Variants in SLC44A1 observed in about 807,000 individuals in gnomAD.
SLC44A1 encodes the protein choline transporter-like protein 1.
A neutral mutation model predicts 79.3 loss-of-function variants in SLC44A1; 26 were observed. The ratio of observed to expected loss-of-function variants is 0.33; its 90% CI spans 0.24 to 0.46. The LOEUF is 0.46. SLC44A1 is among the 20% of genes least tolerant of loss of function. SLC44A1 has a pLI of 1.00. For synonymous variants in SLC44A1, 263 were observed against 286.2 expected, an observed-to-expected ratio of 0.92 and a Z score of 0.82; for missense variants, 688 against 798.1, an observed-to-expected ratio of 0.86 and a Z score of 1.66.
chr9:105,355,133 A>T (rs746634887), intron 5 of SLC44A1, among the ~76,000 whole-genome samples: 1 of 152,266 alleles, frequency 6.6e-6, no homozygotes, highest in Non-Finnish European at 1.5e-5. Flanking sequence ...AACATAATGC[A>T]CATATAAGTG....
intron 3 of SLC44A1, among the ~76,000 whole-genome samples, chr9:105,321,243 T>A (rs1401376049): frequency 1.3e-5 from 2 of 152,198 alleles, no homozygotes; most frequent in African/African-American, 4.8e-5. Flanking sequence ...TTTTTGATTA[T>A]GGTGTGAAGA....
chr9:105,393,958 G>T lies in SLC44A1; in HGVS notation c.*4902G>T. On this transcript the variant is annotated 3_prime_UTR_variant, in exon 16 of 16. Transcript: ENST00000374720. ...TCTCAGAAATTTCTCACTTTTATTT[G>T]CTAAGACCTGAATTTAATATTTGAT... 2.0e-6 allele frequency: 2 copies of T among 983,646 alleles called. No homozygotes were observed. The highest frequency in any genetic ancestry group is 9.4e-5 in the South Asian group (2 of 21,258). 60.9% of individuals were successfully genotyped at this position (983,646 alleles called of 1,614,324 possible).
chr9:105,266,148 T>G (rs1419867738), intron 1 of SLC44A1, among the ~76,000 whole-genome samples: 1 of 152,096 alleles, frequency 6.6e-6, no homozygotes, highest in African/African-American at 2.4e-5. Flanking sequence ...TTTATTTTTA[T>G]GTAGAGACGG....
At chr9:105,288,646 G>C (rs327978) in intron 1 of SLC44A1, among the ~76,000 whole-genome samples, 21,263 of 152,202 alleles carry the variant, frequency 0.14, 1,969 homozygotes, top group African/African-American at 0.26. Context: ...ACCATGCCTG[G>C]TCCTATTTTA....
In SLC44A1 at chr9:105,397,065, T is replaced by C. The variant is rs1225054990; in HGVS notation, c.*8009T>C. 1 of 985,228 alleles carries C rather than the reference T, an allele frequency of 1.0e-6. No individual in the cohort carries two copies. The highest frequency in any genetic ancestry group is 1.2e-6 in the Non-Finnish European group (1 of 829,864). The allele number at this position is 985,228 out of a possible 1,614,324, so 61.0% of individuals were successfully genotyped here. ...AAAATATGTATATTAAGCAATTAAC[T>C]TTCTGGAGTTGGAGTTATCAAATCT... On this transcript the variant is annotated 3_prime_UTR_variant, in exon 16 of 16. Transcript: ENST00000374720.
chr9:105,411,396 C>T (rs1829092143), intron 15 of SLC44A1, among the ~76,000 whole-genome samples: 1 of 151,708 alleles, frequency 6.6e-6, no homozygotes, highest in South Asian at 2.1e-4. Flanking sequence ...CCCTCCCTCT[C>T]TCTTGCTCTG....
intron 1 of SLC44A1, among the ~76,000 whole-genome samples, chr9:105,283,307 C>T (rs1199095830): frequency 2.0e-5 from 3 of 152,144 alleles, no homozygotes; most frequent in African/African-American, 2.4e-5. Flanking sequence ...TCTCTGGAAA[C>T]GGTCTAAATT....
intron 1 of SLC44A1, among the ~76,000 whole-genome samples, chr9:105,256,715 A>T (rs754245963): frequency 6.0e-5 from 9 of 150,240 alleles, no homozygotes; most frequent in African/African-American, 1.7e-4. Flanking sequence ...GGCATGCACT[A>T]CCACGCCCAG....
At chr9:105,363,844 A>G (rs1368174257) in intron 9 of SLC44A1, among the ~76,000 whole-genome samples, 1 of 152,240 alleles carries the variant, frequency 6.6e-6, no homozygotes, top group Non-Finnish European at 1.5e-5. Flanking sequence ...TAATTTTGAA[A>G]TGATCATGAA....
At chr9:105,356,169 TAGG>T in intron 5 of SLC44A1, 40 bp from the exon 6 acceptor site, 1 of 1,497,148 alleles carries the variant, frequency 6.7e-7, no homozygotes, top group Non-Finnish European at 9.3e-7. Flanking sequence ...TTATATTAAG[TAGG>T]AGTAATTTTT....
chr9:105,284,051 T>C (rs1206449907), intron 1 of SLC44A1, among the ~76,000 whole-genome samples: 1 of 152,114 alleles, frequency 6.6e-6, no homozygotes, highest in Non-Finnish European at 1.5e-5. Flanking sequence ...CAGAGTTCAC[T>C]CTTCTAGGAC....
intron 4 of SLC44A1, among the ~76,000 whole-genome samples, chr9:105,343,045 CTA>C (rs1340179634): frequency 6.6e-6 from 1 of 151,452 alleles, no homozygotes; most frequent in Non-Finnish European, 1.5e-5. Flanking sequence ...TAGGGGCTGA[CTA>C]TAGATTCTCA....
chr9:105,399,458 C>T (rs2812317), downstream of SLC44A1, among the ~76,000 whole-genome samples: 132,414 of 152,110 alleles, frequency 0.87, 59,534 homozygotes, highest in East Asian at 1. Context: ...AAAGGATTCT[C>T]ACAGCTTACA....
chr9:105,376,972 T>A (rs868774864), intron 13 of SLC44A1, among the ~76,000 whole-genome samples: 6 of 152,362 alleles, frequency 3.9e-5, no homozygotes, highest in Middle Eastern at 3.4e-3. Context: ...TTAATCACTG[T>A]GTGCTATAAT....
intron 1 of SLC44A1, among the ~76,000 whole-genome samples, chr9:105,259,329 T>C (rs1829787936): frequency 6.6e-6 from 1 of 152,194 alleles, no homozygotes; most frequent in Non-Finnish European, 1.5e-5. Context: ...CTTTGGAGAT[T>C]CATGGCCTTC....
rs1372572665 is a variant in SLC44A1, at chr9:105,395,969, G to C, written c.*6913G>C. Reference sequence around the variant, plus strand: ...TGACAATAATAGGATAGCTTTGGGGGCTGGTGATTTGAAACAGGGACTATT... The same window carrying C: ...TGACAATAATAGGATAGCTTTGGGGCCTGGTGATTTGAAACAGGGACTATT... On this transcript the variant is annotated 3_prime_UTR_variant, in exon 16 of 16. Coordinates refer to ENST00000374720, the MANE Select transcript of SLC44A1 (RefSeq NM_080546.5). 1.0e-6 allele frequency: 1 copy of C among 984,532 alleles called. No individual in the cohort carries two copies. Among genetic ancestry groups the C allele is most frequent in the African/African-American group, 1.8e-5 (1 of 57,088 alleles). The allele number at this position is 984,532 out of a possible 1,614,324, so 61.0% of individuals were successfully genotyped here. A position where few individuals can be genotyped will look rare whatever the true frequency, so the allele number is the denominator to read the frequency against.
At chr9:105,312,555 A>T (rs553154547) in intron 3 of SLC44A1, among the ~76,000 whole-genome samples, 1 of 152,228 alleles carries the variant, frequency 6.6e-6, no homozygotes, top group Non-Finnish European at 1.5e-5. Context: ...TAAGAAGTAA[A>T]TTAGTGAGTC....
At chr9:105,272,962 C>CATAT (rs3030588) in intron 1 of SLC44A1, among the ~76,000 whole-genome samples, 237 of 148,658 alleles carry the variant, frequency 1.6e-3, no homozygotes, top group African/African-American at 5.2e-3. Context: ...AATTTTCTTT[C>CATAT]ATATATATAT....
At chr9:105,302,348 C>CT (rs1317229799) in intron 2 of SLC44A1, among the ~76,000 whole-genome samples, 2 of 151,724 alleles carry the variant, frequency 1.3e-5, no homozygotes, top group South Asian at 2.1e-4. Context: ...GGGATCTCTT[C>CT]TTTTTTTTCT....
Sources: gnomAD v4.1 joint callset for allele counts (sites outside exome capture counted in the v4.1 genomes callset) on GRCh38, gnomAD v4.1.1 for gene constraint, MANE v1.5 for transcripts, NCBI Gene and HGNC (gene_info 2026-07-23, HGNC 2026-07-21) for gene names.